The following LARGE1 variants were observed in gnomAD, a reference collection of about 807,000 sequenced individuals.
The protein encoded by LARGE1 is xylosyl- and glucuronyltransferase LARGE1.
Under a neutral mutation model 87.6 loss-of-function variants are expected in LARGE1, and 43 were observed. The ratio of observed to expected loss-of-function variants is 0.49; its 90% CI spans 0.38 to 0.63. The LOEUF is 0.63. Ranked by LOEUF, LARGE1 falls within the 30% of genes least tolerant of loss-of-function variation. The pLI, the probability that LARGE1 is intolerant of heterozygous loss-of-function variation, is 0.00. For synonymous variants in LARGE1, 434 were observed against 394.6 expected (o/e 1.10, Z -1.18); for missense variants, 802 against 1,000.2 (o/e 0.80, Z 2.67).
intron 2 of LARGE1, among the ~76,000 whole-genome samples, chr22:33,756,714 G>A (rs1192250778): frequency 1.3e-5 from 2 of 152,192 alleles, no homozygotes; most frequent in African/African-American, 2.4e-5. Context: ...GGCTGACAAG[G>A]AGCAGAGCGG....
intron 1 of LARGE1, among the ~76,000 whole-genome samples, chr22:33,860,323 T>C (rs909549117): frequency 1.3e-5 from 2 of 152,132 alleles, no homozygotes; most frequent in Non-Finnish European, 2.9e-5. Context: ...GAGAAGCTGA[T>C]ACTTAACCCC....
intron 1 of LARGE1, among the ~76,000 whole-genome samples, chr22:33,865,854 T>C (rs1285421669): frequency 8.6e-6 from 1 of 115,928 alleles, no homozygotes; most frequent in Non-Finnish European, 1.7e-5. Context: ...TTTTTTTTTT[T>C]TTTTTTTTTT....
intron 10 of LARGE1, chr22:33,322,616 A>G (rs1936856391): frequency 1.3e-5 from 2 of 152,166 alleles, no homozygotes; most frequent in African/African-American, 2.4e-5. Flanking sequence ...TGGTCAACGG[A>G]GATGCTCCGA....
chr22:33,859,729 T>C (rs1005725173), intron 1 of LARGE1, among the ~76,000 whole-genome samples: 1 of 152,112 alleles, frequency 6.6e-6, no homozygotes, highest in Non-Finnish European at 1.5e-5. Context: ...ACATGTATGG[T>C]TCATCAAGGA....
intron 1 of LARGE1, among the ~76,000 whole-genome samples, chr22:33,818,481 C>T (rs1367358681): frequency 6.6e-6 from 1 of 152,164 alleles, no homozygotes; most frequent in Non-Finnish European, 1.5e-5. Context: ...GTTCATTCAG[C>T]AGCTGCACCA....
chr22:33,862,153 G>A (rs1433333758), intron 1 of LARGE1, among the ~76,000 whole-genome samples: 1 of 152,110 alleles, frequency 6.6e-6, no homozygotes, highest in African/African-American at 2.4e-5. Flanking sequence ...GAGCCACCGT[G>A]CCCGGCAGGA....
chr22:33,489,264 A>T (rs555086931), intron 6 of LARGE1, among the ~76,000 whole-genome samples: 7 of 152,218 alleles, frequency 4.6e-5, no homozygotes, highest in Non-Finnish European at 1.0e-4. Context: ...GTGGTCGTGG[A>T]GGGAGAGGGA....
At chr22:33,234,914 C>G (rs1433315300) in intron 11 of LARGE1, among the ~76,000 whole-genome samples, 2 of 145,790 alleles carry the variant, frequency 1.4e-5, no homozygotes, top group Non-Finnish European at 3.0e-5. Flanking sequence ...TTGGGGAATG[C>G]TACACATAAA....
chr22:33,683,700 T>C (rs1406870146), intron 2 of LARGE1, among the ~76,000 whole-genome samples: 4 of 151,674 alleles, frequency 2.6e-5, no homozygotes, highest in South Asian at 4.2e-4. Context: ...AACTGAGGAA[T>C]AGAATGGTTA....
rs1475749597 is a variant in LARGE1, at chr22:33,407,690, CT to C, written c.893-23387del. ...AAAGCTAACTGGTGCAGGCAAGATC[CT>C]AACCAAGTCTGCTCCCGAGACCATG... is the stretch of plus-strand genomic sequence containing the variant. On this transcript the variant is annotated intron_variant, in intron 7 of 14. Coordinates refer to ENST00000397394, the MANE Select transcript of LARGE1 (RefSeq NM_133642.5). Among the ~76,000 whole-genome samples the C allele has an allele frequency of 9.8e-4, 7 of 7,154 alleles. No homozygotes were observed. In the South Asian group the frequency reaches 0.09, roughly 92 times the overall value. 4.7% of individuals were successfully genotyped at this position (7,154 alleles called of 152,430 possible). A position where few individuals can be genotyped will look rare whatever the true frequency, so the allele number is the denominator to read the frequency against.
intron 7 of LARGE1, among the ~76,000 whole-genome samples, chr22:33,416,939 G>A (rs542582711): frequency 1.6e-3 from 160 of 99,966 alleles, no homozygotes; most frequent in Non-Finnish European, 2.4e-3. Context: ...ACAGAGTCTC[G>A]CTGTGTCACC....
chr22:33,389,711 GGT>G (rs554027461), intron 7 of LARGE1, among the ~76,000 whole-genome samples: 47 of 152,134 alleles, frequency 3.1e-4, no homozygotes, highest in Middle Eastern at 3.2e-3. Context: ...CGGGCATGGT[GGT>G]GTGTGCCTAT....
intron 9 of LARGE1, among the ~76,000 whole-genome samples, chr22:33,355,568 T>G (rs1940812745): frequency 6.6e-6 from 1 of 152,232 alleles, no homozygotes; most frequent in African/African-American, 2.4e-5. Context: ...TTGGTTACTC[T>G]TCTCTGATCA....
intron 1 of LARGE1, among the ~76,000 whole-genome samples, chr22:33,916,552 T>A (rs2065792726): frequency 6.6e-6 from 1 of 152,164 alleles, no homozygotes; most frequent in African/African-American, 2.4e-5. Flanking sequence ...AAATACTCCA[T>A]GTAGAGCGAC....
intron 11 of LARGE1, among the ~76,000 whole-genome samples, chr22:33,167,381 G>A (rs1922329641): frequency 6.6e-6 from 1 of 152,180 alleles, no homozygotes; most frequent in Non-Finnish European, 1.5e-5. Context: ...ATGAAGTTGT[G>A]AATACATACT....
At chr22:33,877,583 T>C (rs1159604067) in intron 1 of LARGE1, among the ~76,000 whole-genome samples, 2 of 152,156 alleles carry the variant, frequency 1.3e-5, no homozygotes, top group African/African-American at 4.8e-5. Context: ...AGGAAAATAC[T>C]ACAGAACACT....
chr22:33,863,585 C>T (rs1168355042), intron 1 of LARGE1, among the ~76,000 whole-genome samples: 5 of 149,778 alleles, frequency 3.3e-5, no homozygotes, highest in South Asian at 2.1e-4. Context: ...GTGAAACCCC[C>T]GTCTCTACCA....
Position 33,533,814 on chromosome 22 carries a change from A to C in LARGE1, c.787+31034T>G, listed in dbSNP as rs2267227. On this transcript the variant is annotated intron_variant, in intron 6 of 14. Coordinates refer to ENST00000397394, the MANE Select transcript of LARGE1 (RefSeq NM_133642.5). The stretch of plus-strand genomic sequence containing the variant: ...CTTGTTTTTCAAAGCTGCCTTTTTT[A>C]AAAAAAATGTAGGATCTTGTTCATA... Among the ~76,000 whole-genome samples the C allele has an allele frequency of 1.4e-4, 22 of 151,862 alleles. No individual in the cohort carries two copies. The East Asian group carries it at 2.7e-3, about 19-fold the overall frequency.
At chr22:33,764,016 G>C (rs5999090) in intron 1 of LARGE1, among the ~76,000 whole-genome samples, 2 of 151,604 alleles carry the variant, frequency 1.3e-5, no homozygotes, top group Non-Finnish European at 2.9e-5. Context: ...CGTCCAGCTA[G>C]TTTTTGTATT....
Sources: allele counts gnomAD v4.1 joint callset (sites outside exome capture counted in the v4.1 genomes callset), GRCh38; gene constraint gnomAD v4.1.1; transcripts MANE v1.5; gene names NCBI Gene and HGNC (gene_info 2026-07-23, HGNC 2026-07-21).